The following GIT1 variants were observed in gnomAD, a reference collection of about 807,000 sequenced individuals.
GIT1 encodes ARF GTPase-activating protein GIT1.
In GIT1, 14 loss-of-function variants were observed where a neutral mutation model predicts 91.7. The ratio of observed to expected loss-of-function variants is 0.15; its 90% CI spans 0.10 to 0.24. The LOEUF (loss-of-function observed/expected upper bound fraction) is 0.24, where lower values mean the gene tolerates loss of function less well. Among genes scored for constraint, GIT1 ranks in the 10% least tolerant of loss-of-function variants. The probability of loss-of-function intolerance (pLI) is 1.00; values close to 1 mark genes in which losing one functional copy is unlikely to be tolerated. For missense variants in GIT1, 717 were observed against 1,024.9 expected (o/e 0.70, Z 4.10); for synonymous variants, 414 against 418.2 (o/e 0.99, Z 0.12).
rs1276077182 is a variant in GIT1, at chr17:29,575,499, A to G, written c.1827-29T>C. The G allele has an allele frequency of 6.3e-7, 1 of 1,589,142 alleles. No homozygotes were observed. Among genetic ancestry groups the G allele is most frequent in the African/African-American group, 1.4e-5 (1 of 73,916 alleles). ...AGGCCCAGGTCCAGAAAACAGAGAC[A>G]AAGATACATATAGAGAAAGACACGT... On this transcript the variant is annotated intron_variant, in intron 17 of 19. Coordinates refer to ENST00000225394, the MANE Select transcript of GIT1 (RefSeq NM_014030.4). This position sits in a 1 kb window ranked among gnomAD's most constrained non-coding sequence, Gnocchi z 5.5.
At chr17:29,580,391 GC>G (rs984672783) in intron 7 of GIT1, among the ~76,000 whole-genome samples, 1 of 152,250 alleles carries the variant, frequency 6.6e-6, no homozygotes, top group African/African-American at 2.4e-5. Flanking sequence ...ATGCCCATCT[GC>G]CCACACAGGC....
chr17:29,585,227 CCCACTCCA>C (rs1319468296), intron 1 of GIT1, among the ~76,000 whole-genome samples: 1 of 152,086 alleles, frequency 6.6e-6, no homozygotes, highest in African/African-American at 2.4e-5. Context: ...CCTCCCTCTC[CCCACTCCA>C]AACACCACTG....
intron 1 of GIT1, among the ~76,000 whole-genome samples, chr17:29,588,157 G>T (rs1054788692): frequency 2.0e-5 from 3 of 152,168 alleles, no homozygotes; most frequent in African/African-American, 7.2e-5. Context: ...CTGCTCAAGG[G>T]GTGGCTGAAA....
At position 29,583,970 on chromosome 17, in the gene GIT1, G is replaced by A; in HGVS notation, c.53-354C>T. ...CTGCCCCAGCCCGTCCCGAAGGGAG[G>A]AAGGGATCCCCAAGGGGATGCAACC... On this transcript the variant is annotated intron_variant, in intron 1 of 19. Coordinates refer to ENST00000225394, the MANE Select transcript of GIT1 (RefSeq NM_014030.4). The A allele has an allele frequency of 1.0e-5, 3 of 289,090 alleles. No homozygotes were observed. The East Asian group carries it at 2.0e-4, about 19-fold the overall frequency. 17.9% of individuals were successfully genotyped at this position (289,090 alleles called of 1,614,324 possible). A position where few individuals can be genotyped will look rare whatever the true frequency, so the allele number is the denominator to read the frequency against.
intron 1 of GIT1, among the ~76,000 whole-genome samples, chr17:29,588,367 G>A (rs2033670079): frequency 6.6e-6 from 1 of 152,236 alleles, no homozygotes; most frequent in African/African-American, 2.4e-5. Flanking sequence ...TCCCTCATCA[G>A]AAGGGAGCAG....
Position 29,574,645 on chromosome 17 carries a change from C to G in GIT1, c.*57G>C. The G allele has an allele frequency of 7.3e-7, 1 of 1,372,584 alleles. No individual in the cohort carries two copies. Among genetic ancestry groups the G allele is most frequent in the Non-Finnish European group, 1.0e-6 (1 of 964,718 alleles). The allele number at this position is 1,372,584 out of a possible 1,614,324, so 85.0% of individuals were successfully genotyped here. On this transcript the variant is annotated 3_prime_UTR_variant, in exon 20 of 20. Coordinates refer to ENST00000225394, the MANE Select transcript of GIT1 (RefSeq NM_014030.4). ...GGGTGGGGATTAATGTCTGGAGTGGCCCAGCTCCTATGGCCAGTGAGGTCC... is the reference window on the plus strand; with the variant it reads ...GGGTGGGGATTAATGTCTGGAGTGGGCCAGCTCCTATGGCCAGTGAGGTCC...
rs1037044435 is a variant in GIT1, at chr17:29,581,668, G to T, written c.718+74C>A. 6.2e-6 allele frequency: 7 copies of T among 1,134,998 alleles called. No homozygotes were observed. The Admixed American group carries it at 1.0e-4, about 17-fold the overall frequency. 70.3% of individuals were successfully genotyped at this position (1,134,998 alleles called of 1,614,324 possible). A position where few individuals can be genotyped will look rare whatever the true frequency, so the allele number is the denominator to read the frequency against. ...CTCTGTCACCATGGCACCTGCTGCCGGGTGCGTCCAGGTCCCACCTGCCCA... is the reference window on the plus strand; with the variant it reads ...CTCTGTCACCATGGCACCTGCTGCCTGGTGCGTCCAGGTCCCACCTGCCCA... On this transcript the variant is annotated intron_variant, in intron 6 of 19. Coordinates refer to ENST00000225394, the MANE Select transcript of GIT1 (RefSeq NM_014030.4). The surrounding 1 kb of genome is among the most constrained non-coding windows in gnomAD (Gnocchi z 4.8).
chr17:29,577,269 G>A (rs376762023), intron 10 of GIT1, 22 bp from the exon 11 acceptor site: 5 of 1,599,550 alleles, frequency 3.1e-6, no homozygotes, highest in Non-Finnish European at 4.3e-6. Flanking sequence ...AAAGGGCCAG[G>A]CTGGCTTCAG....
intron 1 of GIT1, among the ~76,000 whole-genome samples, chr17:29,584,504 T>G (rs1466004355): frequency 6.6e-6 from 1 of 152,184 alleles, no homozygotes; most frequent in African/African-American, 2.4e-5. Flanking sequence ...GTGGAGGAGA[T>G]GCCACCCATC....
chr17:29,588,837 T>A (rs1598584460), intron 1 of GIT1, among the ~76,000 whole-genome samples: 1 of 152,194 alleles, frequency 6.6e-6, no homozygotes, highest in South Asian at 2.1e-4. Context: ...CAGGCCCCAC[T>A]GGCGCATCTG....
Position 29,574,467 on chromosome 17 carries a change from A to C in GIT1, c.*235T>G. ...TGCTCACTAGGAGGGGGGAGATGCT[A>C]TATACAGAGGGGAGGTGCATGGAAT... On this transcript the variant is annotated 3_prime_UTR_variant, in exon 20 of 20. Coordinates refer to ENST00000225394, the MANE Select transcript of GIT1 (RefSeq NM_014030.4). The C allele has an allele frequency of 8.7e-6, 5 of 573,946 alleles. No individual in the cohort carries two copies. Among genetic ancestry groups the C allele is most frequent in the East Asian group, 3.0e-5 (1 of 33,806 alleles). The allele number at this position is 573,946 out of a possible 1,614,324, so 35.6% of individuals were successfully genotyped here. A position where few individuals can be genotyped will look rare whatever the true frequency, so the allele number is the denominator to read the frequency against.
rs768406239 is a variant in GIT1 at position 29,576,977 on chromosome 17, C to T, written c.1113G>A (p.Leu371=). The T allele has an allele frequency of 1.9e-6, 3 of 1,602,950 alleles. No individual in the cohort carries two copies. Among genetic ancestry groups the T allele is most frequent in the Non-Finnish European group, 2.5e-6 (3 of 1,179,582 alleles). The change falls in exon 12 of 20, where the codon CTG becomes CTA. Residue 371 remains leucine (L), a synonymous_variant. Transcript: ENST00000225394. Reference sequence around the variant, plus strand: ...GGTCGTCGAGGTCACTCTGGCTCCGCAGAGACAGCTCGAGGTTGTCTGAGG... The same window carrying T: ...GGTCGTCGAGGTCACTCTGGCTCCGTAGAGACAGCTCGAGGTTGTCTGAGG... ...SSPTDNLELS[L]RSQSDLDDQH... is the part of the protein sequence containing the mutation.
At chr17:29,580,028 G>A (rs2033345292) in intron 7 of GIT1, among the ~76,000 whole-genome samples, 1 of 152,066 alleles carries the variant, frequency 6.6e-6, no homozygotes, top group African/African-American at 2.4e-5. Context: ...CCAGCCCGGG[G>A]GCTGCCTCCA....
chr17:29,575,537 G>A lies in GIT1; in HGVS notation c.1827-67C>T, dbSNP rs1413239212. On this transcript the variant is annotated intron_variant, in intron 17 of 19. Coordinates refer to ENST00000225394, the MANE Select transcript of GIT1 (RefSeq NM_014030.4). The surrounding 1 kb of genome is among the most constrained non-coding windows in gnomAD (Gnocchi z 5.5). ...GAGAAAGACACGTTCCAGCCTCGGA[G>A]CCGCCCGCCTTGGTCCTCACACACT... The A allele has an allele frequency of 1.3e-6, 2 of 1,561,392 alleles. No homozygotes were observed. Among genetic ancestry groups the A allele is most frequent in the Admixed American group, 1.8e-5 (1 of 57,058 alleles).
chr17:29,584,373 T>C (rs1352200725), intron 1 of GIT1, among the ~76,000 whole-genome samples: 3 of 152,220 alleles, frequency 2.0e-5, no homozygotes, highest in Non-Finnish European at 4.4e-5. Context: ...GACCATGCCA[T>C]GTCCACACTT....
At chr17:29,578,596 G>T in intron 8 of GIT1, 135 bp downstream of exon 8, 1 of 898,926 alleles carries the variant, frequency 1.1e-6, no homozygotes, top group Non-Finnish European at 1.9e-6. Flanking sequence ...AGAGGGGACT[G>T]CTGAGGCCAG....
In GIT1 at chr17:29,580,677, C is replaced by T. The variant is rs549925888; in HGVS notation, c.761+661G>A. 2.4e-4 allele frequency among the ~76,000 whole-genome samples: 36 copies of T among 152,292 alleles called. No individual in the cohort carries two copies. The South Asian group carries it at 6.4e-3, about 27-fold the overall frequency. On this transcript the variant is annotated intron_variant, in intron 7 of 19. Coordinates refer to ENST00000225394, the MANE Select transcript of GIT1 (RefSeq NM_014030.4). ...CCCTGAAGCCCACCCATCTTTTCAG[C>T]GAAGAGCAGAGGCTTCTCTAAAGAC...
At position 29,575,530 on chromosome 17, in the gene GIT1, C is replaced by A. The variant is rs1015595106; in HGVS notation, c.1827-60G>T. 40 of 1,565,632 alleles carry A rather than the reference C, an allele frequency of 2.6e-5. No homozygotes were observed. Among genetic ancestry groups the A allele is most frequent in the Non-Finnish European group, 3.3e-5 (38 of 1,147,960 alleles). Reference sequence around the variant, plus strand: ...ACATATAGAGAAAGACACGTTCCAGCCTCGGAGCCGCCCGCCTTGGTCCTC... The same window carrying A: ...ACATATAGAGAAAGACACGTTCCAGACTCGGAGCCGCCCGCCTTGGTCCTC... On this transcript the variant is annotated intron_variant, in intron 17 of 19. Coordinates refer to ENST00000225394, the MANE Select transcript of GIT1 (RefSeq NM_014030.4). This position sits in a 1 kb window ranked among gnomAD's most constrained non-coding sequence, Gnocchi z 5.5.
rs765749204 is a variant in GIT1 at position 29,576,142 on chromosome 17, T to C, written c.1612-11A>G. ...GTCGTCCTCTAGCTCCTGGGGATGT[T>C]AGCACAGCGAGCGTCATGGTGGACC... On this transcript the variant is annotated splice_polypyrimidine_tract_variant and intron_variant, in intron 14 of 19. Coordinates refer to ENST00000225394, the MANE Select transcript of GIT1 (RefSeq NM_014030.4). 6.2e-7 allele frequency: 1 copy of C among 1,613,614 alleles called. No homozygotes were observed. Among genetic ancestry groups the C allele is most frequent in the Non-Finnish European group, 8.5e-7 (1 of 1,179,858 alleles).
Sources: allele counts gnomAD v4.1 joint callset (sites outside exome capture counted in the v4.1 genomes callset), GRCh38; gene constraint gnomAD v4.1.1; non-coding constraint Gnocchi (gnomAD v3.1); transcripts MANE v1.5; gene names NCBI Gene and HGNC (gene_info 2026-07-23, HGNC 2026-07-21).